Variants in IL27RA observed in about 807,000 individuals in gnomAD.
IL27RA encodes interleukin 27 receptor subunit alpha.
A neutral mutation model predicts 80.8 loss-of-function variants in IL27RA; 61 were observed. The observed-to-expected ratio is 0.76, with a 90% CI of 0.61 to 0.93. The LOEUF is 0.93. IL27RA is among the 40% of genes least tolerant of loss of function. The pLI, the probability that IL27RA is intolerant of heterozygous loss-of-function variation, is 0.00. For missense variants in IL27RA, 735 were observed against 808.1 expected (o/e 0.91, Z 1.10); for synonymous variants, 316 against 332.5 (o/e 0.95, Z 0.54).
intron 2 of IL27RA, 100 bp from the exon 3 acceptor site, chr19:14,039,407 CA>C (rs1975953409): frequency 7.3e-7 from 1 of 1,378,102 alleles, no homozygotes; most frequent in Non-Finnish European, 9.8e-7. Context: ...GATTTGAACC[CA>C]AGCAGAGCAG....
intron 1 of IL27RA, 102 bp from the exon 2 acceptor site, chr19:14,032,284 G>GCC (rs113266285): frequency 2.6e-5 from 24 of 910,520 alleles, no homozygotes; most frequent in Admixed American, 1.5e-4. Flanking sequence ...ATTTCCCTAA[G>GCC]CCCCCCCACC....
intron 4 of IL27RA, among the ~76,000 whole-genome samples, chr19:14,041,525 T>C (rs1225156271): frequency 6.6e-6 from 1 of 152,138 alleles, no homozygotes; most frequent in Non-Finnish European, 1.5e-5. Flanking sequence ...GGAATCTGAC[T>C]ACCTCAGTGC....
At chr19:14,049,426 G>T in intron 10 of IL27RA, 112 bp downstream of exon 10, 1 of 1,075,808 alleles carries the variant, frequency 9.3e-7, no homozygotes, top group Non-Finnish European at 1.3e-6. Flanking sequence ...ACCATACATG[G>T]TGTCCTCAAT....
intron 2 of IL27RA, among the ~76,000 whole-genome samples, chr19:14,037,928 T>G (rs1244187371): frequency 6.6e-6 from 1 of 150,780 alleles, no homozygotes; most frequent in Non-Finnish European, 1.5e-5. Context: ...ACTCCCTGGT[T>G]CAAGCGATTC....
chr19:14,039,177 C>T (rs1223302934), intron 2 of IL27RA, among the ~76,000 whole-genome samples: 1 of 151,338 alleles, frequency 6.6e-6, no homozygotes, highest in East Asian at 1.9e-4. Flanking sequence ...ATTCTAGCTA[C>T]TTGGGAGGAT....
chr19:14,047,010 A>G (rs941155714), intron 8 of IL27RA, among the ~76,000 whole-genome samples: 4 of 151,742 alleles, frequency 2.6e-5, no homozygotes, highest in Admixed American at 1.3e-4. Context: ...AAATAAATAA[A>G]TAAATAAATA....
rs747670496 is a variant in IL27RA at position 14,042,480 on chromosome 19, CT to C, written c.563del (p.Leu188ArgfsTer11). On this transcript the variant is annotated frameshift_variant, in exon 5 of 14. Coordinates refer to ENST00000263379, the MANE Select transcript of IL27RA (RefSeq NM_004843.4). LOFTEE classifies it high-confidence loss of function. ...LLEPELKTIPLTPVEIQDLEL... is the reference protein window; with the variant it reads ...LLEPELKTIPXTPVEIQDLEL... The stretch of plus-strand genomic sequence containing the variant: ...GGAACCGGAGCTGAAGACCATACCC[CT>C]GACCCCTGTTGAGATCCAAGATTTG... The C allele has an allele frequency of 2.5e-6, 4 of 1,614,206 alleles. No individual in the cohort carries two copies. Among genetic ancestry groups the C allele is most frequent in the East Asian group, 4.5e-5 (2 of 44,888 alleles).
rs201326725 is a variant in IL27RA, at chr19:14,048,282, A to T, written c.1142-699A>T. Reference sequence around the variant, plus strand: ...AAGAAATCTTTATAAATAAATAAATAAATAAATAAATTAATTAATTAATGA... The same window carrying T: ...AAGAAATCTTTATAAATAAATAAATTAATAAATAAATTAATTAATTAATGA... On this transcript the variant is annotated intron_variant, in intron 8 of 13. Transcript: ENST00000263379. 6.4e-4 allele frequency among the ~76,000 whole-genome samples: 91 copies of T among 142,052 alleles called. 1 individual carries two copies. The highest frequency in any genetic ancestry group is 1.5e-3 in the South Asian group (7 of 4,682). 93.2% of individuals were successfully genotyped at this position (142,052 alleles called of 152,430 possible).
chr19:14,045,897 C>G (rs952719681), intron 6 of IL27RA, among the ~76,000 whole-genome samples: 1 of 151,844 alleles, frequency 6.6e-6, no homozygotes, highest in Non-Finnish European at 1.5e-5. Flanking sequence ...TGATGGCAGG[C>G]GCCTGTAATC....
chr19:14,045,699 A>G (rs1284448711), intron 6 of IL27RA, among the ~76,000 whole-genome samples: 1 of 151,586 alleles, frequency 6.6e-6, no homozygotes, highest in Non-Finnish European at 1.5e-5. Context: ...TATCTCACTT[A>G]TTGGGTTTTT....
rs1408851434 is a variant in IL27RA at position 14,034,660 on chromosome 19, A to G, written c.218+2157A>G. The stretch of plus-strand genomic sequence containing the variant: ...GGGTGACAGAGCAAGACTCTGTCTA[A>G]AAAAAAAAAAAGGCCGGGCGCGGTG... On this transcript the variant is annotated intron_variant, in intron 2 of 13. Coordinates refer to ENST00000263379, the MANE Select transcript of IL27RA (RefSeq NM_004843.4). Among the ~76,000 whole-genome samples the G allele has an allele frequency of 4.1e-5, 3 of 72,312 alleles. No individual in the cohort carries two copies. The African/African-American group carries it at 4.4e-4, about 11-fold the overall frequency. 47.4% of individuals were successfully genotyped at this position (72,312 alleles called of 152,430 possible). A position where few individuals can be genotyped will look rare whatever the true frequency, so the allele number is the denominator to read the frequency against.
chr19:14,035,503 C>T (rs1045433485), intron 2 of IL27RA, among the ~76,000 whole-genome samples: 1 of 152,058 alleles, frequency 6.6e-6, no homozygotes, highest in Non-Finnish European at 1.5e-5. Flanking sequence ...TCCAGCAATT[C>T]TCCTGCCTCA....
At chr19:14,044,606 T>C (rs749097685) in intron 6 of IL27RA, among the ~76,000 whole-genome samples, 2 of 151,866 alleles carry the variant, frequency 1.3e-5, no homozygotes, top group Non-Finnish European at 2.9e-5. Context: ...AGAAATACAG[T>C]TTGATTGGAA....
chr19:14,040,928 G>A (rs1403058692), intron 4 of IL27RA, among the ~76,000 whole-genome samples: 1 of 146,370 alleles, frequency 6.8e-6, no homozygotes, highest in Non-Finnish European at 1.5e-5. Context: ...TTGAGATGGC[G>A]TTTTGCTCTT....
rs143701993 is a variant in IL27RA at position 14,042,722 on chromosome 19, A to G, written c.701A>G (p.Lys234Arg). Residue 234 changes from lysine (K) to arginine (R), a missense_variant, in exon 6 of 14, where the codon AAA becomes AGA. By Grantham distance (26) the Lys-to-Arg change is conservative. Coordinates refer to ENST00000263379, the MANE Select transcript of IL27RA (RefSeq NM_004843.4). ...GTTTCCTCATCCTTGCCAGCTCCAA[A>G]AGATGTGTGGGTATCAGGGAACCTC... ...LSFQTPPSAP[K>R]DVWVSGNLCG... is the part of the protein sequence containing the mutation. 2.5e-6 allele frequency: 4 copies of G among 1,613,986 alleles called. No individual in the cohort carries two copies. Among genetic ancestry groups the G allele is most frequent in the Non-Finnish European group, 3.4e-6 (4 of 1,180,014 alleles).
chr19:14,049,044 C>A lies in IL27RA; in HGVS notation c.1205C>A (p.Ala402Asp), dbSNP rs200162447. 1.2e-6 allele frequency: 2 copies of A among 1,613,832 alleles called. No homozygotes were observed. The highest frequency in any genetic ancestry group is 1.3e-5 in the African/African-American group (1 of 74,902). ...ACCGCAGTCTCTGCTTCAGGCTTGGCCTCTGCATCCTCCGTCTGGGGGTTC... is the reference window on the plus strand; with the variant it reads ...ACCGCAGTCTCTGCTTCAGGCTTGGACTCTGCATCCTCCGTCTGGGGGTTC... ...TVTAVSASGL[A>D]SASSVWGFRE... The change falls in exon 9 of 14, where the codon GCC becomes GAC. Residue 402 changes from alanine (A) to aspartate (D), a missense_variant. By Grantham distance (126) the Ala-to-Asp change is moderately radical (BLOSUM62 -2). Coordinates refer to ENST00000263379, the MANE Select transcript of IL27RA (RefSeq NM_004843.4).
rs111909254 is a variant in IL27RA, at chr19:14,044,050, C to CAAA, written c.768+1277_768+1279dup. 6.7e-4 allele frequency among the ~76,000 whole-genome samples: 57 copies of CAAA among 85,150 alleles called. 1 individual carries two copies. The highest frequency in any genetic ancestry group is 2.2e-3 in the African/African-American group (51 of 23,260). The allele number at this position is 85,150 out of a possible 152,430, so 55.9% of individuals were successfully genotyped here. ...GCAACAAGAGCAAGACTCTGTCTCA[C>CAAA]AAAAAAAAAAAAAAAAAAGGTATTA... On this transcript the variant is annotated intron_variant, in intron 6 of 13. Transcript: ENST00000263379.
At chr19:14,036,603 C>G (rs1255158714) in intron 2 of IL27RA, among the ~76,000 whole-genome samples, 1 of 146,962 alleles carries the variant, frequency 6.8e-6, no homozygotes, top group Non-Finnish European at 1.5e-5. Context: ...ATTCTCGTGC[C>G]TCAGCCTCCC....
At chr19:14,043,702 G>A (rs1976023168) in intron 6 of IL27RA, among the ~76,000 whole-genome samples, 1 of 151,654 alleles carries the variant, frequency 6.6e-6, no homozygotes, top group Non-Finnish European at 1.5e-5. Flanking sequence ...GGAATTACAG[G>A]CGGGAGCCAC....
Sources: allele counts gnomAD v4.1 joint callset (sites outside exome capture counted in the v4.1 genomes callset), GRCh38; gene constraint gnomAD v4.1.1; transcripts MANE v1.5; gene names NCBI Gene and HGNC (gene_info 2026-07-23, HGNC 2026-07-21).